GPR39: variants seen among roughly 807,000 people sequenced by gnomAD.
The protein encoded by GPR39 is G protein-coupled receptor 39, also known as zinc sensing receptor.
In GPR39, 23 loss-of-function variants were observed where a neutral mutation model predicts 18.4. The ratio of observed to expected loss-of-function variants is 1.25; its 90% CI spans 0.90 to 1.77. GPR39 has a LOEUF of 1.77. Ranked by LOEUF, GPR39 falls within the 40% of genes most tolerant of loss-of-function variation. The probability of loss-of-function intolerance (pLI) is 0.00; values close to 1 mark genes in which losing one functional copy is unlikely to be tolerated. For missense variants in GPR39, 647 were observed against 602.4 expected, an observed-to-expected ratio of 1.07 and a Z score of -0.78; for synonymous variants, 280 against 257.9, an observed-to-expected ratio of 1.09 and a Z score of -0.82.
chr2:132,493,956 G>A (rs902345567), intron 1 of GPR39, among the ~76,000 whole-genome samples: 9 of 152,080 alleles, frequency 5.9e-5, no homozygotes, highest in South Asian at 2.1e-4. Context: ...AAAAACTTCC[G>A]ATCAACTAAA....
chr2:132,505,097 G>A (rs1679110313), intron 1 of GPR39, among the ~76,000 whole-genome samples: 1 of 152,204 alleles, frequency 6.6e-6, no homozygotes, highest in Admixed American at 6.5e-5. Flanking sequence ...ATTTCTTACA[G>A]TTATGGAGGC....
At chr2:132,561,345 A>T (rs1376109270) in intron 1 of GPR39, among the ~76,000 whole-genome samples, 1 of 152,036 alleles carries the variant, frequency 6.6e-6, no homozygotes, top group African/African-American at 2.4e-5. Flanking sequence ...TAGGGAGTTC[A>T]CTTGACTCCT....
At chr2:132,550,276 C>A (rs537547081) in intron 1 of GPR39, among the ~76,000 whole-genome samples, 15 of 152,122 alleles carry the variant, frequency 9.9e-5, no homozygotes, top group Admixed American at 4.6e-4. Context: ...TGCTAGCTAA[C>A]GTGAAAAGGA....
intron 1 of GPR39, among the ~76,000 whole-genome samples, chr2:132,534,833 C>G (rs1009805500): frequency 2.0e-5 from 3 of 150,434 alleles, no homozygotes; most frequent in Non-Finnish European, 3.0e-5. Context: ...ACACTGGGGA[C>G]TGTTGTGGGG....
chr2:132,510,816 A>T (rs182285393), intron 1 of GPR39, among the ~76,000 whole-genome samples: 135 of 152,346 alleles, frequency 8.9e-4, no homozygotes, highest in Non-Finnish European at 1.1e-3. Context: ...TTCTTCAAAC[A>T]TGCCTCAAGA....
chr2:132,616,633 A>G (rs1188919029), intron 1 of GPR39, among the ~76,000 whole-genome samples: 1 of 152,152 alleles, frequency 6.6e-6, no homozygotes, highest in Non-Finnish European at 1.5e-5. Flanking sequence ...CCAGCTTTGT[A>G]TGATCTCCTG....
rs150955443 is a variant in GPR39, at chr2:132,645,528, C to T, written c.1284C>T (p.Leu428=). ...EPQSKSQSLS[L]ESLEPNSGAK... ...AGTCTAAGTCCCAGTCATTGAGTCTCGAGTCACTAGAGCCCAACTCAGGCG... is the reference window on the plus strand; with the variant it reads ...AGTCTAAGTCCCAGTCATTGAGTCTTGAGTCACTAGAGCCCAACTCAGGCG... The change falls in exon 2 of 2, where the codon CTC becomes CTT. Residue 428 remains leucine (L), a synonymous_variant. Coordinates refer to ENST00000329321, the MANE Select transcript of GPR39 (RefSeq NM_001508.3). 3.6e-5 allele frequency: 58 copies of T among 1,614,162 alleles called. No homozygotes were observed. The African/African-American group carries it at 5.6e-4, about 16-fold the overall frequency.
intron 1 of GPR39, among the ~76,000 whole-genome samples, chr2:132,636,320 A>T (rs1681755390): frequency 6.6e-6 from 1 of 152,084 alleles, no homozygotes. Flanking sequence ...GTTGGGTTGG[A>T]AGGCCAGGCC....
At chr2:132,493,101 A>C (rs897712902) in intron 1 of GPR39, among the ~76,000 whole-genome samples, 1 of 142,538 alleles carries the variant, frequency 7.0e-6, no homozygotes, top group South Asian at 2.2e-4. Flanking sequence ...TATACACCAT[A>C]TATATACCAT....
intron 1 of GPR39, among the ~76,000 whole-genome samples, chr2:132,540,235 C>A (rs1373973897): frequency 6.9e-6 from 1 of 144,684 alleles, no homozygotes; most frequent in Non-Finnish European, 1.5e-5. Context: ...AATTGTCATA[C>A]TAAGCCCTGC....
chr2:132,549,781 C>T (rs995119816), intron 1 of GPR39, among the ~76,000 whole-genome samples: 18 of 151,450 alleles, frequency 1.2e-4, no homozygotes, highest in South Asian at 2.1e-4. Flanking sequence ...AGCACGACTC[C>T]GTCTCAAAAA....
chr2:132,645,506 C>G lies in GPR39; in HGVS notation c.1262C>G (p.Ser421Cys), dbSNP rs552751934. Residue 421 changes from serine to cysteine, a missense_variant, in exon 2 of 2, where the codon TCT becomes TGT. Physicochemically the swap from Ser to Cys is moderately radical, Grantham distance 112 (BLOSUM62 -1). Transcript: ENST00000329321. ...STFQSEAEPQ[S>C]KSQSLSLESL... is the part of the protein sequence containing the mutation. Reference sequence around the variant, plus strand: ...TTTCAGAGCGAGGCCGAGCCCCAGTCTAAGTCCCAGTCATTGAGTCTCGAG... The same window carrying G: ...TTTCAGAGCGAGGCCGAGCCCCAGTGTAAGTCCCAGTCATTGAGTCTCGAG... The G allele has an allele frequency of 7.4e-6, 12 of 1,613,210 alleles. No individual in the cohort carries two copies. In the South Asian group the frequency reaches 8.8e-5, roughly 12 times the overall value.
chr2:132,645,640 C>CTCTTAGAG lies in GPR39; in HGVS notation c.*34_*35insTCTTAGAG. The CTCTTAGAG allele has an allele frequency of 6.3e-7, 1 of 1,578,936 alleles. No homozygotes were observed. Among genetic ancestry groups the CTCTTAGAG allele is most frequent in the South Asian group, 1.2e-5 (1 of 84,768 alleles). On this transcript the variant is annotated 3_prime_UTR_variant, in exon 2 of 2. Coordinates refer to ENST00000329321, the MANE Select transcript of GPR39 (RefSeq NM_001508.3). ...CGAGGGAGCCTTGAGTGGGAACTGG[C>CTCTTAGAG]CCTCCAGCCCTAAGAAAACGTCACT... is the stretch of plus-strand genomic sequence containing the variant.
At chr2:132,438,610 A>C (rs1163391395) in intron 1 of GPR39, among the ~76,000 whole-genome samples, 1 of 71,984 alleles carries the variant, frequency 1.4e-5, no homozygotes, top group African/African-American at 5.1e-5. Context: ...CATTTTTTTG[A>C]GTGTTGTAGA....
At chr2:132,574,696 C>T (rs1335978497) in intron 1 of GPR39, among the ~76,000 whole-genome samples, 1 of 152,198 alleles carries the variant, frequency 6.6e-6, no homozygotes, top group Non-Finnish European at 1.5e-5. Flanking sequence ...GATCTTGCCA[C>T]TGCACTCTAG....
At chr2:132,485,887 TAGAA>T (rs1681328055) in intron 1 of GPR39, among the ~76,000 whole-genome samples, 1 of 152,208 alleles carries the variant, frequency 6.6e-6, no homozygotes, top group African/African-American at 2.4e-5. Context: ...TAACGGTATC[TAGAA>T]TGGGGAATTC....
chr2:132,427,327 C>A (rs1406146776), intron 1 of GPR39, among the ~76,000 whole-genome samples: 3 of 139,710 alleles, frequency 2.1e-5, no homozygotes, highest in African/African-American at 8.0e-5. Context: ...CCACACCTGG[C>A]TAATATATTT....
At chr2:132,442,396 G>C (rs1680455735) in intron 1 of GPR39, among the ~76,000 whole-genome samples, 1 of 152,024 alleles carries the variant, frequency 6.6e-6, no homozygotes, top group Admixed American at 6.5e-5. Context: ...GGCTGGGCGT[G>C]GGGGTGGAGG....
chr2:132,605,794 A>T (rs555955426), intron 1 of GPR39, among the ~76,000 whole-genome samples: 28 of 152,356 alleles, frequency 1.8e-4, no homozygotes, highest in African/African-American at 5.8e-4. Context: ...CATTTAAATA[A>T]GAGAGACATC....
Sources: allele counts gnomAD v4.1 joint callset (sites outside exome capture counted in the v4.1 genomes callset), GRCh38; gene constraint gnomAD v4.1.1; transcripts MANE v1.5; gene names NCBI Gene and HGNC (gene_info 2026-07-23, HGNC 2026-07-21).